MST1R: variants seen among roughly 807,000 people sequenced by gnomAD.
MST1R encodes the protein macrophage stimulating 1 receptor, also known as macrophage-stimulating protein receptor.
Under a neutral mutation model 117.8 loss-of-function variants are expected in MST1R, and 99 were observed. The observed-to-expected ratio is 0.84, with a 90% CI of 0.71 to 0.99. MST1R has a LOEUF of 0.99. Among genes scored for constraint, MST1R ranks in the 50% least tolerant of loss-of-function variants. The probability of loss-of-function intolerance (pLI) is 0.00; values close to 1 mark genes in which losing one functional copy is unlikely to be tolerated. For missense variants in MST1R, 1,683 were observed against 1,840.2 expected, an observed-to-expected ratio of 0.91 and a Z score of 1.56; for synonymous variants, 734 against 765.3, an observed-to-expected ratio of 0.96 and a Z score of 0.68.
At position 49,903,466 on chromosome 3, in the gene MST1R, G is replaced by A; in HGVS notation, c.144C>T (p.Ser48=). 6.2e-7 allele frequency: 1 copy of A among 1,613,216 alleles called. No individual in the cohort carries two copies. Among genetic ancestry groups the A allele is most frequent in the Admixed American group, 1.7e-5 (1 of 60,036 alleles). Residue 48 remains serine, a synonymous_variant, in exon 1 of 20, where the codon AGC becomes AGT. Transcript: ENST00000296474. ...RDFDVKYVVP[S]FSAGGLVQAM... is the part of the protein sequence containing the mutation. Reference sequence around the variant, plus strand: ...CCTGTACCAGGCCTCCGGCGGAGAAGCTGGGCACCACGTACTTCACGTCAA... The same window carrying A: ...CCTGTACCAGGCCTCCGGCGGAGAAACTGGGCACCACGTACTTCACGTCAA...
In MST1R at chr3:49,887,438, C is replaced by T. The variant is rs145944620; in HGVS notation, c.4072G>A (p.Ala1358Thr). ...CTGGGGCCCAAGTTCATGTAGGTTGCTGGCAGCTGCACATAATGGTCCCCA... is the reference window on the plus strand; with the variant it reads ...CTGGGGCCCAAGTTCATGTAGGTTGTTGGCAGCTGCACATAATGGTCCCCA... ...LLGDHYVQLP[A>T]TYMNLGPSTS... is the part of the protein sequence containing the mutation. The change falls in exon 20 of 20, where the codon GCA becomes ACA. Residue 1358 changes from alanine (A) to threonine (T), a missense_variant. Ala to Thr is a moderately conservative substitution (Grantham distance 58). Transcript: ENST00000296474. The T allele has an allele frequency of 6.2e-7, 1 of 1,614,226 alleles. No individual in the cohort carries two copies. Among genetic ancestry groups the T allele is most frequent in the Admixed American group, 1.7e-5 (1 of 60,032 alleles).
rs2082198495 is a variant in MST1R at position 49,887,504 on chromosome 3, C to T, written c.4006G>A (p.Val1336Ile). The T allele has an allele frequency of 1.2e-6, 2 of 1,614,214 alleles. No homozygotes were observed. The highest frequency in any genetic ancestry group is 1.3e-5 in the African/African-American group (1 of 75,072). The change falls in exon 20 of 20, where the codon GTA (valine) becomes ATA (isoleucine). Residue 1336 changes from valine to isoleucine, a missense_variant. By Grantham distance (29) the Val-to-Ile change is conservative. Coordinates refer to ENST00000296474, the MANE Select transcript of MST1R (RefSeq NM_002447.4). ...ATCTGCTCCACCTCCCCCACTAGTA[C>T]TCTGAAGGTGGGTCGCACTGCTGGG... ...ADPAVRPTFR[V>I]LVGEVEQIVS...
rs2082756289 is a variant in MST1R, at chr3:49,903,324, C to T, written c.286G>A (p.Ala96Thr). Residue 96 changes from alanine (A) to threonine (T), a missense_variant, in exon 1 of 20, where the codon GCT becomes ACT. Physicochemically the swap from Ala to Thr is moderately conservative, Grantham distance 58. Coordinates refer to ENST00000296474, the MANE Select transcript of MST1R (RefSeq NM_002447.4). ...KSVQSLATGPAGDPGCQTCAA... is the reference protein window; with the variant it reads ...KSVQSLATGPTGDPGCQTCAA... Reference sequence around the variant, plus strand: ...CACGTCTGGCAGCCAGGGTCTCCAGCAGGGCCCGTGGCCAGGCTCTGGACA... The same window carrying T: ...CACGTCTGGCAGCCAGGGTCTCCAGTAGGGCCCGTGGCCAGGCTCTGGACA... The T allele has an allele frequency of 6.2e-7, 1 of 1,613,220 alleles. No homozygotes were observed.
At chr3:49,892,020 G>C (rs932406322) in intron 14 of MST1R, 182 bp from the exon 15 acceptor site, 3 of 463,722 alleles carry the variant, frequency 6.5e-6, no homozygotes, top group Non-Finnish European at 7.6e-6. Context: ...CTGAAGTGCA[G>C]TGGTGCAATC....
At position 49,903,407 on chromosome 3, in the gene MST1R, C is replaced by G; in HGVS notation, c.203G>C (p.Ser68Thr). 2 of 1,614,018 alleles carry G rather than the reference C, an allele frequency of 1.2e-6. No individual in the cohort carries two copies. The highest frequency in any genetic ancestry group is 1.3e-5 in the African/African-American group (1 of 75,078). Residue 68 changes from serine (S) to threonine (T), a missense_variant, in exon 1 of 20, where the codon AGT (serine) becomes ACT (threonine). Ser to Thr is a moderately conservative substitution (Grantham distance 58). Coordinates refer to ENST00000296474, the MANE Select transcript of MST1R (RefSeq NM_002447.4). ...MVTYEGDRNE[S>T]AVFVAIRNRL... is the part of the protein sequence containing the mutation. The stretch of plus-strand genomic sequence containing the variant: ...ATTGCGTATGGCTACAAACACAGCA[C>G]TCTCATTTCTGTCGCCCTCGTAGGT...
At chr3:49,902,302 TCA>T (rs1446049627) in intron 1 of MST1R, 76 bp downstream of exon 1, 2 of 1,411,960 alleles carry the variant, frequency 1.4e-6, no homozygotes, top group African/African-American at 2.9e-5. Context: ...CCAGATCCCC[TCA>T]GTGATGGAAG....
chr3:49,890,154 G>T, intron 18 of MST1R, 94 bp from the exon 19 acceptor site: 1 of 1,445,864 alleles, frequency 6.9e-7, no homozygotes, highest in African/African-American at 1.4e-5. Context: ...TCCTTCAGCT[G>T]GAAATGGAAG....
Position 49,903,603 on chromosome 3 carries a change from G to A in MST1R, c.7C>T (p.Leu3Phe). 1.3e-6 allele frequency: 2 copies of A among 1,559,214 alleles called. No individual in the cohort carries two copies. The highest frequency in any genetic ancestry group is 2.7e-5 in the African/African-American group (2 of 74,538). The change falls in exon 1 of 20, where the codon CTC becomes TTC. Residue 3 changes from leucine to phenylalanine, a missense_variant. Transcript: ENST00000296474. The part of the protein sequence containing the change: ME[L>F]LPPLPQSFLL... The stretch of plus-strand genomic sequence containing the variant: ...AAGGACTGAGGCAGCGGCGGGAGGA[G>A]CTCCATCGAGGCGAGCTGGGACCCT...
Position 49,896,002 on chromosome 3 carries a change from G to T in MST1R, c.2755C>A (p.Pro919Thr). The T allele has an allele frequency of 6.3e-7, 1 of 1,593,330 alleles. No individual in the cohort carries two copies. Among genetic ancestry groups the T allele is most frequent in the Non-Finnish European group, 8.5e-7 (1 of 1,169,662 alleles). Residue 919 changes from proline to threonine, a missense_variant, in exon 11 of 20, where the codon CCC becomes ACC. Transcript: ENST00000296474. ...TCCTGGCCAAGCTGCAGGGATGGGG[G>T]CAGGGGGCAGACAACCATGTCCCCC... is the stretch of plus-strand genomic sequence containing the variant. ...FRGDMVVCPLPPSLQLGQDGA... is the reference protein window; with the variant it reads ...FRGDMVVCPLTPSLQLGQDGA...
At chr3:49,899,823 T>C (rs912619555) in intron 1 of MST1R, among the ~76,000 whole-genome samples, 3 of 151,880 alleles carry the variant, frequency 2.0e-5, no homozygotes, top group Non-Finnish European at 2.9e-5. Flanking sequence ...TAGTCCGCCT[T>C]GGTCTCCCAG....
Position 49,897,625 on chromosome 3 carries a change from G to A in MST1R, c.1941C>T (p.Thr647=). Residue 647 remains threonine, a synonymous_variant, in exon 6 of 20, where the codon ACC becomes ACT. Coordinates refer to ENST00000296474, the MANE Select transcript of MST1R (RefSeq NM_002447.4). ...EFECELEPLG[T]QAVGPTNVSL... ...TGACGTTGGTAGGCCCCACTGCCTG[G>A]GTGCCCAAGGGCTCCAGTTCACACT... 2 of 1,614,132 alleles carry A rather than the reference G, an allele frequency of 1.2e-6. No homozygotes were observed. The highest frequency in any genetic ancestry group is 1.7e-6 in the Non-Finnish European group (2 of 1,180,024).
chr3:49,899,527 C>A (rs1215264133), intron 1 of MST1R: 2 of 326,994 alleles, frequency 6.1e-6, no homozygotes, highest in Non-Finnish European at 1.2e-5. Context: ...TGGTGAGTTA[C>A]CCCCATTCCA....
In MST1R at chr3:49,895,266, G is replaced by A; in HGVS notation, c.3172C>T (p.Gln1058Ter). The A allele has an allele frequency of 6.2e-7, 1 of 1,614,202 alleles. No individual in the cohort carries two copies. The highest frequency in any genetic ancestry group is 1.1e-5 in the South Asian group (1 of 91,088). The change falls in exon 14 of 20, where the codon CAG (glutamine) becomes TAG (stop). Residue 1058 changes from glutamine (Q) to a stop codon, truncating the protein, a stop_gained. Transcript: ENST00000296474. LOFTEE classifies it high-confidence loss of function. The part of the protein sequence containing the change: ...CVPLLRKESI[Q>*]LRDLDSALLA... The stretch of plus-strand genomic sequence containing the variant: ...AGCGCAGAGTCCAGGTCCCTTAGCT[G>A]GATGGACTCTTTCCGCAGCAGTGGC...
In MST1R at chr3:49,896,859, G is replaced by A; in HGVS notation, c.2215C>T (p.Pro739Ser). 2 of 1,542,140 alleles carry A rather than the reference G, an allele frequency of 1.3e-6. No individual in the cohort carries two copies. The highest frequency in any genetic ancestry group is 1.7e-6 in the Non-Finnish European group (2 of 1,143,350). Residue 739 changes from proline to serine, a missense_variant, in exon 8 of 20, where the codon CCC (proline) becomes TCC (serine). Coordinates refer to ENST00000296474, the MANE Select transcript of MST1R (RefSeq NM_002447.4). The part of the protein sequence containing the change: ...VSEGQLLCAT[P>S]PGATVASVPL... ...ACACTGGCCACCGTGGCCCCAGGGG[G>A]TGTGGCACATAAAAGCTGCCCCTCA...
intron 14 of MST1R, among the ~76,000 whole-genome samples, chr3:49,894,477 G>A (rs1196280171): frequency 6.6e-6 from 1 of 151,256 alleles, no homozygotes; most frequent in Admixed American, 6.6e-5. Flanking sequence ...TGAGGCAGGA[G>A]GATCACCTGA....
chr3:49,902,636 T>C lies in MST1R; in HGVS notation c.974A>G (p.His325Arg). ...AAGTTGGGCACCCACTGGAGCGGAG[T>C]GGGCCACCCGCAGCACAGGGTAGGG... ...GQPYPVLRVA[H>R]SAPVGAQLAT... The change falls in exon 1 of 20, where the codon CAC becomes CGC. Residue 325 changes from histidine (H) to arginine (R), a missense_variant. His to Arg is a conservative substitution (Grantham distance 29). Transcript: ENST00000296474. 2 of 1,613,352 alleles carry C rather than the reference T, an allele frequency of 1.2e-6. No homozygotes were observed. The highest frequency in any genetic ancestry group is 1.7e-6 in the Non-Finnish European group (2 of 1,179,986).
At position 49,902,920 on chromosome 3, in the gene MST1R, C is replaced by T. The variant is rs146972436; in HGVS notation, c.690G>A (p.Pro230=). 11 of 1,613,360 alleles carry T rather than the reference C, an allele frequency of 6.8e-6. No individual in the cohort carries two copies. In the African/African-American group the frequency reaches 8.0e-5, roughly 12 times the overall value. The change falls in exon 1 of 20, where the codon CCG becomes CCA. Residue 230 remains proline, a synonymous_variant. Transcript: ENST00000296474. ...GCAGCACTGACAACGCCACAAAGCC[C>T]GGTGCGAATCCCGAGGCGTCAGCCT... ...RLKADASGFA[P]GFVALSVLPK...
intron 19 of MST1R, 69 bp downstream of exon 19, chr3:49,889,855 C>T: frequency 6.3e-7 from 1 of 1,576,700 alleles, no homozygotes; most frequent in Non-Finnish European, 8.7e-7. Context: ...CAGGCAGGAG[C>T]TCTGTCTCCT....
At chr3:49,895,574 T>C in intron 12 of MST1R, 26 bp from the exon 13 acceptor site, 2 of 1,613,746 alleles carry the variant, frequency 1.2e-6, no homozygotes, top group South Asian at 1.1e-5. Context: ...CCTTGGTGGC[T>C]TGGCTTTCCA....
Sources: allele counts gnomAD v4.1 joint callset (sites outside exome capture counted in the v4.1 genomes callset), GRCh38; gene constraint gnomAD v4.1.1; transcripts MANE v1.5; gene names NCBI Gene and HGNC (gene_info 2026-07-23, HGNC 2026-07-21).